FRMPD4: variants seen among roughly 807,000 people sequenced by gnomAD.
FRMPD4 encodes the protein FERM and PDZ domain containing 4, also known as FERM and PDZ domain-containing protein 4.
In FRMPD4, 22 loss-of-function variants were observed where a neutral mutation model predicts 94.1. The ratio of observed to expected loss-of-function variants is 0.23; its 90% CI spans 0.17 to 0.33. The LOEUF (loss-of-function observed/expected upper bound fraction) is 0.33, where lower values mean the gene tolerates loss of function less well. Ranked by LOEUF, FRMPD4 falls within the 10% of genes least tolerant of loss-of-function variation. The pLI, the probability that FRMPD4 is intolerant of heterozygous loss-of-function variation, is 1.00. For missense variants in FRMPD4, 1,111 were observed against 1,339.9 expected (o/e 0.83, Z 2.67); for synonymous variants, 631 against 548.6 (o/e 1.15, Z -2.10).
chrX:12,491,306 T>G (rs1036563080), intron 1 of FRMPD4, among the ~76,000 whole-genome samples: 16 of 112,612 alleles, frequency 1.4e-4, no homozygotes, highest in South Asian at 3.7e-4. Flanking sequence ...AAAACCACCT[T>G]AATCTGACAA....
chrX:12,245,096 A>G (rs1161420203), intron 1 of FRMPD4, among the ~76,000 whole-genome samples: 1 of 112,455 alleles, frequency 8.9e-6, no homozygotes, highest in African/African-American at 3.2e-5. Flanking sequence ...ACATAATTGG[A>G]TGTATAGTGT....
At chrX:12,142,058 A>G (rs767576553) in intron 1 of FRMPD4, among the ~76,000 whole-genome samples, 54 of 111,696 alleles carry the variant, frequency 4.8e-4, no homozygotes, top group Non-Finnish European at 8.3e-4. Flanking sequence ...ATTGAGTGAT[A>G]TGTTCATAGA....
At chrX:12,499,656 C>T (rs2057895041) in intron 2 of FRMPD4, among the ~76,000 whole-genome samples, 1 of 112,511 alleles carries the variant, frequency 8.9e-6, no homozygotes, top group African/African-American at 3.2e-5. Flanking sequence ...TTTCACTTAG[C>T]GTAACGTTTT....
At chrX:12,199,936 T>C (rs73190591) in intron 1 of FRMPD4, among the ~76,000 whole-genome samples, 24,330 of 109,529 alleles carry the variant, frequency 0.22, 2,434 homozygotes, top group East Asian at 0.62. Context: ...CTGAGTCAGT[T>C]CCTGGGTGGA....
intron 3 of FRMPD4, among the ~76,000 whole-genome samples, chrX:12,107,213 C>T (rs2055307371): frequency 8.9e-6 from 1 of 111,921 alleles, no homozygotes; most frequent in Non-Finnish European, 1.9e-5. Context: ...TCCAGAGGAA[C>T]GATCAGGCAG....
chrX:12,618,028 C>G (rs998960817), intron 4 of FRMPD4, among the ~76,000 whole-genome samples: 3 of 111,733 alleles, frequency 2.7e-5, no homozygotes, highest in African/African-American at 9.8e-5. Flanking sequence ...ATTCTGTTCA[C>G]TTCATAGTCT....
intron 1 of FRMPD4, among the ~76,000 whole-genome samples, chrX:12,466,897 G>C (rs1340868036): frequency 8.9e-6 from 1 of 111,797 alleles, no homozygotes; most frequent in African/African-American, 3.2e-5. Flanking sequence ...TCGAAATTCT[G>C]GTTTTTAACC....
intron 2 of FRMPD4, among the ~76,000 whole-genome samples, chrX:12,586,613 G>A (rs1303954310): frequency 1.8e-5 from 2 of 112,152 alleles, no homozygotes; most frequent in African/African-American, 6.5e-5. Flanking sequence ...TGTGGAGACC[G>A]GAAGCTAATT....
Position 12,131,379 on chromosome X carries a change from G to C in FRMPD4, c.95+253361G>C, listed in dbSNP as rs1048160420. Among the ~76,000 whole-genome samples, 22 of 112,167 alleles carry C rather than the reference G, an allele frequency of 2.0e-4. 1 individual carries two copies. Among genetic ancestry groups the C allele is most frequent in the African/African-American group, 6.8e-4 (21 of 30,895 alleles). ...ATATTATACATCTCTTGGCCCTTAG[G>C]AAGATTCACTTGTGTATCTGCATTG... On this transcript the variant is annotated intron_variant, in intron 3 of 18. Coordinates refer to the FRMPD4 transcript ENST00000640291.
In FRMPD4 at chrX:12,626,142, C is replaced by G. The variant is rs148317552; in HGVS notation, c.422+11261C>G. Among the ~76,000 whole-genome samples the G allele has an allele frequency of 6.1e-3, 669 of 110,094 alleles. 5 individuals carry two copies. Among genetic ancestry groups the G allele is most frequent in the African/African-American group, 0.021 (639 of 30,244 alleles). On this transcript the variant is annotated intron_variant, in intron 4 of 16. Coordinates refer to ENST00000675598, the MANE Select transcript of FRMPD4 (RefSeq NM_001368397.1). The stretch of plus-strand genomic sequence containing the variant: ...AAGAGTTTAAGACCAGCCTGGTCAA[C>G]ATAGTGAGACCTGGTCTCTACAAAA...
intron 3 of FRMPD4, among the ~76,000 whole-genome samples, chrX:12,052,539 C>T (rs992675431): frequency 8.9e-6 from 1 of 111,893 alleles, no homozygotes; most frequent in African/African-American, 3.2e-5. Flanking sequence ...AGTTGAAAAC[C>T]GAAAATACAT....
intron 2 of FRMPD4, among the ~76,000 whole-genome samples, chrX:12,535,525 A>G (rs1190256348): frequency 5.3e-5 from 6 of 112,475 alleles, no homozygotes; most frequent in African/African-American, 1.9e-4. Context: ...AGGTTCAAAT[A>G]CCAAGGTTCA....
intron 1 of FRMPD4, among the ~76,000 whole-genome samples, chrX:11,860,135 C>T (rs5979482): frequency 0.16 from 18,225 of 112,107 alleles, 1,838 homozygotes; most frequent in African/African-American, 0.37. Context: ...GCTGGAGCAG[C>T]TCAAATATAC....
intron 1 of FRMPD4, among the ~76,000 whole-genome samples, chrX:11,839,800 C>T (rs966520561): frequency 9.0e-6 from 1 of 110,518 alleles, no homozygotes; most frequent in Non-Finnish European, 1.9e-5. Context: ...ATTTTCCTGG[C>T]ACCGTATGTT....
intron 1 of FRMPD4, among the ~76,000 whole-genome samples, chrX:11,863,749 A>G (rs1463955856): frequency 1.8e-5 from 2 of 112,076 alleles, no homozygotes; most frequent in African/African-American, 6.5e-5. Flanking sequence ...GATGTCTTAA[A>G]TGCTTGATGA....
intron 3 of FRMPD4, among the ~76,000 whole-genome samples, chrX:11,975,721 A>G (rs932933808): frequency 1.8e-5 from 2 of 111,713 alleles, no homozygotes; most frequent in African/African-American, 6.5e-5. Flanking sequence ...AACTTTACCT[A>G]GAGACTGCAC....
chrX:12,223,678 G>A (rs2056893493), intron 1 of FRMPD4, among the ~76,000 whole-genome samples: 3 of 112,181 alleles, frequency 2.7e-5, no homozygotes, highest in Admixed American at 9.4e-5. Context: ...CACCAGCTGT[G>A]TATGTGAGTT....
intron 1 of FRMPD4, among the ~76,000 whole-genome samples, chrX:11,857,661 G>C (rs923847242): frequency 1.8e-5 from 2 of 112,888 alleles, no homozygotes; most frequent in Admixed American, 1.9e-4. Context: ...CACAGGCAAA[G>C]ATTTCATGAC....
chrX:11,841,882 T>C lies in FRMPD4; in HGVS notation c.-161+19167T>C, dbSNP rs1225818060. On this transcript the variant is annotated intron_variant, in intron 1 of 18. Transcript: ENST00000640291. The stretch of plus-strand genomic sequence containing the variant: ...CTTCTAGGGTTTTTATGGTTTTAGG[T>C]CTAACGTTTAAGTCTTTAATCCATC... Among the ~76,000 whole-genome samples, 3 of 106,883 alleles carry C rather than the reference T, an allele frequency of 2.8e-5. No homozygotes were observed. In the Admixed American group the frequency reaches 3.0e-4, roughly 11 times the overall value. The allele number at this position is 106,883 out of a possible 115,157, so 92.8% of individuals were successfully genotyped here.
Sources: gnomAD v4.1 joint callset for allele counts (sites outside exome capture counted in the v4.1 genomes callset) on GRCh38, gnomAD v4.1.1 for gene constraint, MANE v1.5 for transcripts, NCBI Gene and HGNC (gene_info 2026-07-23, HGNC 2026-07-21) for gene names.